ANKRD30B: variants seen among roughly 807,000 people sequenced by gnomAD.
ANKRD30B encodes the protein ankyrin repeat domain 30B, also known as ankyrin repeat domain-containing protein 30B.
ANKRD30B carries 144 observed loss-of-function variants against 202.2 expected under a neutral mutation model. The observed-to-expected ratio is 0.71, with a 90% CI of 0.62 to 0.82. ANKRD30B has a LOEUF of 0.82. ANKRD30B is among the 40% of genes least tolerant of loss of function. The pLI is 0.00. For synonymous variants in ANKRD30B, 508 were observed against 561.3 expected (o/e 0.91, Z 1.34); for missense variants, 1,487 against 1,669.1 (o/e 0.89, Z 1.90).
Position 14,787,112 on chromosome 18 carries a change from T to G in ANKRD30B, c.1734+12T>G. 6.3e-7 allele frequency: 1 copy of G among 1,598,848 alleles called. No individual in the cohort carries two copies. The highest frequency in any genetic ancestry group is 8.5e-7 in the Non-Finnish European group (1 of 1,172,340). ...CTTGGGATTCTGAGGTACTATGTGTTATTGATTTTTTTAAATATTAGTATT... is the reference window on the plus strand; with the variant it reads ...CTTGGGATTCTGAGGTACTATGTGTGATTGATTTTTTTAAATATTAGTATT... On this transcript the variant is annotated intron_variant, in intron 15 of 43. Transcript: ENST00000690538.
the ANKRD30B span, among the ~76,000 whole-genome samples, chr18:14,911,366 T>C: frequency 1.3e-5 from 2 of 152,176 alleles, no homozygotes; most frequent in East Asian, 3.8e-4. Context: ...ACCAGAACAA[T>C]TGAGTGAATA....
At chr18:14,885,063 T>C in the ANKRD30B span, among the ~76,000 whole-genome samples, 1 of 152,248 alleles carries the variant, frequency 6.6e-6, no homozygotes, top group East Asian at 1.9e-4. Context: ...TTCCCAACTC[T>C]GTTTTAAGGT....
At chr18:14,900,505 T>A in the ANKRD30B span, among the ~76,000 whole-genome samples, 1,684 of 152,288 alleles carry the variant, frequency 0.011, 34 homozygotes, top group African/African-American at 0.039. Flanking sequence ...CGGTATAATG[T>A]CATTCATTAT....
At chr18:14,755,038 C>G in intron 4 of ANKRD30B, 33 bp downstream of exon 4, 1 of 1,238,290 alleles carries the variant, frequency 8.1e-7, no homozygotes. Context: ...CTAAAAAACA[C>G]TTGACTAGTG....
the ANKRD30B span, among the ~76,000 whole-genome samples, chr18:14,874,856 A>G: frequency 6.6e-6 from 1 of 152,190 alleles, no homozygotes; most frequent in Non-Finnish European, 1.5e-5. Flanking sequence ...AGCCCTTTCA[A>G]ACTTTTTGTT....
chr18:14,896,949 C>A, the ANKRD30B span, among the ~76,000 whole-genome samples: 2 of 133,562 alleles, frequency 1.5e-5, no homozygotes, highest in Non-Finnish European at 1.6e-5. Context: ...TGCTACCTAG[C>A]AGTATATGCC....
At chr18:14,900,275 T>A in the ANKRD30B span, among the ~76,000 whole-genome samples, 1 of 152,278 alleles carries the variant, frequency 6.6e-6, no homozygotes, top group African/African-American at 2.4e-5. Flanking sequence ...CCCAAAAACT[T>A]AGATACTCCT....
chr18:14,860,179 C>A, the ANKRD30B span, among the ~76,000 whole-genome samples: 1 of 149,920 alleles, frequency 6.7e-6, no homozygotes, highest in African/African-American at 2.5e-5. Flanking sequence ...CAGAGGCGCT[C>A]CTCACCTCCC....
intron 28 of ANKRD30B, among the ~76,000 whole-genome samples, chr18:14,810,559 A>G (rs1969856221): frequency 6.6e-6 from 1 of 151,154 alleles, no homozygotes; most frequent in Non-Finnish European, 1.5e-5. Context: ...TGCTGACGTG[A>G]CAGTTGTGAG....
At chr18:14,783,164 T>C (rs1254300838) in intron 12 of ANKRD30B, among the ~76,000 whole-genome samples, 1 of 152,120 alleles carries the variant, frequency 6.6e-6, no homozygotes, top group Non-Finnish European at 1.5e-5. Flanking sequence ...AATAGGTGAG[T>C]ATTAACAAAA....
chr18:14,781,288 CTTTTTTTTTTT>C (rs892666549), intron 11 of ANKRD30B, among the ~76,000 whole-genome samples: 6 of 85,672 alleles, frequency 7.0e-5, no homozygotes, highest in Non-Finnish European at 2.1e-5. Flanking sequence ...TCTGAGTATT[CTTTTTTTTTTT>C]TTTTTTTTTT....
chr18:14,834,106 C>T (rs1422570554), intron 34 of ANKRD30B, among the ~76,000 whole-genome samples: 1 of 152,090 alleles, frequency 6.6e-6, no homozygotes, highest in Admixed American at 6.6e-5. Context: ...AGAATAGAAA[C>T]AACCTATACC....
the ANKRD30B span, among the ~76,000 whole-genome samples, chr18:14,869,542 C>T: frequency 6.6e-6 from 1 of 152,024 alleles, no homozygotes; most frequent in Non-Finnish European, 1.5e-5. Context: ...TAGCAGATGA[C>T]CATAATAAAT....
At chr18:14,871,919 A>G in the ANKRD30B span, among the ~76,000 whole-genome samples, 4 of 152,212 alleles carry the variant, frequency 2.6e-5, no homozygotes, top group South Asian at 2.1e-4. Context: ...AGCTTCTGAT[A>G]TATACACAAA....
At chr18:14,902,463 A>G in the ANKRD30B span, among the ~76,000 whole-genome samples, 3 of 152,228 alleles carry the variant, frequency 2.0e-5, no homozygotes, top group Non-Finnish European at 4.4e-5. Context: ...CTTATAAAAA[A>G]AAGTTTCAGT....
At chr18:14,787,862 G>A (rs555036674) in intron 15 of ANKRD30B, among the ~76,000 whole-genome samples, 76 of 152,312 alleles carry the variant, frequency 5.0e-4, no homozygotes, top group African/African-American at 1.6e-3. Flanking sequence ...GAAGTCCATA[G>A]AGAGGTAGAT....
the ANKRD30B span, among the ~76,000 whole-genome samples, chr18:14,914,467 T>G: frequency 4.6e-5 from 7 of 152,182 alleles, no homozygotes; most frequent in African/African-American, 1.7e-4. Context: ...AACAGGGCCC[T>G]TGCTCCTGGA....
At position 14,848,929 on chromosome 18, in the gene ANKRD30B, G is replaced by C; in HGVS notation, c.3395G>C (p.Arg1132Thr). The C allele has an allele frequency of 5.2e-6, 8 of 1,538,084 alleles. No homozygotes were observed. Among genetic ancestry groups the C allele is most frequent in the Non-Finnish European group, 7.0e-6 (8 of 1,149,480 alleles). ...AKWEQELCSV[R>T]LTLNQEEEKR... The stretch of plus-strand genomic sequence containing the variant: ...TGGGAACAAGAGCTCTGCAGTGTGA[G>C]GTATGACATCCTAGTTTTAAATAAA... The change falls in exon 40 of 44, where the codon AGA becomes ACA. Residue 1132 changes from arginine (R) to threonine (T), a missense_variant and splice_region_variant. By Grantham distance (71) the Arg-to-Thr change is moderately conservative. Coordinates refer to ENST00000690538, the MANE Select transcript of ANKRD30B (RefSeq NM_001367607.2).
chr18:14,911,989 G>T, the ANKRD30B span, among the ~76,000 whole-genome samples: 3 of 152,136 alleles, frequency 2.0e-5, no homozygotes, highest in Non-Finnish European at 4.4e-5. Flanking sequence ...AAATGTTACA[G>T]AATTCATTTA....
Sources: allele counts gnomAD v4.1 joint callset (sites outside exome capture counted in the v4.1 genomes callset), GRCh38; gene constraint gnomAD v4.1.1; transcripts MANE v1.5; gene names NCBI Gene and HGNC (gene_info 2026-07-23, HGNC 2026-07-21).